The following SGMS1 variants were observed in gnomAD, a reference collection of about 807,000 sequenced individuals.
The protein encoded by SGMS1 is phosphatidylcholine:ceramide cholinephosphotransferase 1.
SGMS1 carries 13 observed loss-of-function variants against 46.2 expected under a neutral mutation model. The observed-to-expected ratio is 0.28, with a 90% confidence interval of 0.18 to 0.45. The LOEUF is 0.45. SGMS1 is among the 20% of genes least tolerant of loss of function. The probability of loss-of-function intolerance (pLI) is 1.00; values close to 1 mark genes in which losing one functional copy is unlikely to be tolerated. For synonymous variants in SGMS1, 203 were observed against 187.8 expected (o/e 1.08, Z -0.66); for missense variants, 324 against 519.9 (o/e 0.62, Z 3.66).
intron 1 of SGMS1, among the ~76,000 whole-genome samples, chr10:50,615,347 A>G (rs1160099348): frequency 2.6e-5 from 4 of 152,242 alleles, no homozygotes; most frequent in African/African-American, 9.6e-5. Flanking sequence ...AGTTGTCATA[A>G]TAACAGCTAA....
chr10:50,422,412 C>T (rs993474704), intron 6 of SGMS1, among the ~76,000 whole-genome samples: 2 of 152,124 alleles, frequency 1.3e-5, no homozygotes, highest in Admixed American at 6.5e-5. Flanking sequence ...GCAGCAGATG[C>T]GTTTCTGTGC....
intron 2 of SGMS1, among the ~76,000 whole-genome samples, chr10:50,570,628 C>T (rs1288773001): frequency 1.3e-5 from 2 of 152,134 alleles, no homozygotes; most frequent in Non-Finnish European, 2.9e-5. Flanking sequence ...CCTTTTGATT[C>T]TCTGCTATTT....
At chr10:50,594,045 G>C (rs1444114783) in intron 1 of SGMS1, among the ~76,000 whole-genome samples, 1 of 152,124 alleles carries the variant, frequency 6.6e-6, no homozygotes, top group African/African-American at 2.4e-5. Context: ...AAGTGGTTGT[G>C]TACAATTGAC....
intron 1 of SGMS1, among the ~76,000 whole-genome samples, chr10:50,595,067 C>T (rs1838577975): frequency 6.6e-6 from 1 of 152,328 alleles, no homozygotes; most frequent in African/African-American, 2.4e-5. Context: ...ACAGCTTCTT[C>T]AGTCCCCCAA....
intron 2 of SGMS1, among the ~76,000 whole-genome samples, chr10:50,570,287 CA>C (rs1004071790): frequency 2.4e-4 from 36 of 152,182 alleles, no homozygotes; most frequent in African/African-American, 8.4e-4. Context: ...CTCAATTATG[CA>C]AACATCACTG....
intron 2 of SGMS1, among the ~76,000 whole-genome samples, chr10:50,551,320 A>G (rs1484144645): frequency 6.6e-6 from 1 of 151,510 alleles, no homozygotes; most frequent in Non-Finnish European, 1.5e-5. Context: ...GACAAATCCC[A>G]ATTAAGGGAC....
At chr10:50,363,265 G>GAAGTTGGGAAGCACATGAA (rs1436409800) in intron 6 of SGMS1, among the ~76,000 whole-genome samples, 7 of 152,318 alleles carry the variant, frequency 4.6e-5, no homozygotes, top group African/African-American at 1.7e-4. Flanking sequence ...CACGATTTCG[G>GAAGTTGGGAAGCACATGAA]AAGTTGGGAA....
At chr10:50,388,852 T>C (rs1848723923) in intron 6 of SGMS1, among the ~76,000 whole-genome samples, 1 of 152,128 alleles carries the variant, frequency 6.6e-6, no homozygotes. Context: ...TAGATAGGAA[T>C]GATATAAACT....
At chr10:50,548,324 C>T (rs759032689) in intron 2 of SGMS1, among the ~76,000 whole-genome samples, 3 of 152,154 alleles carry the variant, frequency 2.0e-5, no homozygotes, top group African/African-American at 4.8e-5. Context: ...TACCAGGCTA[C>T]AATAACCAAA....
intron 6 of SGMS1, among the ~76,000 whole-genome samples, chr10:50,430,443 C>G (rs1189790429): frequency 7.1e-6 from 1 of 140,052 alleles, no homozygotes; most frequent in African/African-American, 2.7e-5. Context: ...TGTATCTAAT[C>G]TCGGCATAGA....
chr10:50,358,654 A>ACTCCAGC (rs1458774000), intron 6 of SGMS1, among the ~76,000 whole-genome samples: 1 of 152,192 alleles, frequency 6.6e-6, no homozygotes, highest in African/African-American at 2.4e-5. Flanking sequence ...CTGTCACTGC[A>ACTCCAGC]CTCCAGCCTC....
At chr10:50,624,037 G>A, upstream of SGMS1, 4 of 985,518 alleles carry the variant, frequency 4.1e-6, no homozygotes, top group South Asian at 4.7e-5. Flanking sequence ...GTTCACTGCG[G>A]CCGGGGGGGC....
intron 3 of SGMS1, among the ~76,000 whole-genome samples, chr10:50,516,559 T>A (rs1588861060): frequency 6.6e-6 from 1 of 151,994 alleles, no homozygotes; most frequent in Admixed American, 6.6e-5. Context: ...TCCAAGGGAG[T>A]AAATATTCAA....
At chr10:50,581,524 GT>G (rs1838434270) in intron 2 of SGMS1, among the ~76,000 whole-genome samples, 2 of 152,252 alleles carry the variant, frequency 1.3e-5, no homozygotes, top group South Asian at 4.2e-4. Context: ...TTTCTCAGAT[GT>G]AAAATGGGGT....
intron 1 of SGMS1, among the ~76,000 whole-genome samples, chr10:50,604,508 T>A (rs188943364): frequency 7.9e-5 from 12 of 152,358 alleles, no homozygotes; most frequent in Admixed American, 7.8e-4. Context: ...CACTTGAAAT[T>A]TTAACGGCAC....
chr10:50,544,394 T>G (rs898962412), intron 2 of SGMS1, among the ~76,000 whole-genome samples: 2 of 152,178 alleles, frequency 1.3e-5, no homozygotes, highest in African/African-American at 4.8e-5. Context: ...ATGTATATAT[T>G]TAATGCTACA....
At chr10:50,367,553 G>C (rs948641106) in intron 6 of SGMS1, among the ~76,000 whole-genome samples, 6 of 152,000 alleles carry the variant, frequency 3.9e-5, no homozygotes, top group African/African-American at 1.5e-4. Flanking sequence ...TCTCCTGGAG[G>C]TAAAAAAAGA....
chr10:50,358,559 C>G (rs1848193805), intron 6 of SGMS1, among the ~76,000 whole-genome samples: 1 of 152,126 alleles, frequency 6.6e-6, no homozygotes, highest in Admixed American at 6.5e-5. Context: ...CGTGGTAGCT[C>G]ATGCCTGCAA....
At chr10:50,577,785 T>C (rs532889691) in intron 2 of SGMS1, among the ~76,000 whole-genome samples, 41 of 152,222 alleles carry the variant, frequency 2.7e-4, no homozygotes, top group Non-Finnish European at 5.4e-4. Flanking sequence ...CAAGCTTCCA[T>C]AGCAATCAGC....
Sources: allele counts gnomAD v4.1 joint callset (sites outside exome capture counted in the v4.1 genomes callset), GRCh38; gene constraint gnomAD v4.1.1; transcripts MANE v1.5; gene names NCBI Gene and HGNC (gene_info 2026-07-23, HGNC 2026-07-21).